Variants in CNTN1 observed in about 807,000 individuals in gnomAD.
CNTN1 encodes the protein contactin 1.
In CNTN1, 38 loss-of-function variants were observed where a neutral mutation model predicts 126.4. The observed-to-expected ratio is 0.30, with a 90% CI of 0.23 to 0.39. The LOEUF is 0.39. CNTN1 is among the 10% of genes least tolerant of loss of function. The pLI, the probability that CNTN1 is intolerant of heterozygous loss-of-function variation, is 1.00. For missense variants in CNTN1, 1,009 were observed against 1,248.4 expected (o/e 0.81, Z 2.89); for synonymous variants, 413 against 422.6 (o/e 0.98, Z 0.28).
At chr12:40,909,633 T>C (rs1237734849) in intron 2 of CNTN1, among the ~76,000 whole-genome samples, 2 of 151,814 alleles carry the variant, frequency 1.3e-5, no homozygotes, top group African/African-American at 2.4e-5. Context: ...TCAGAAAAGA[T>C]CATTTCATTA....
At chr12:40,769,675 T>G (rs1939258486) in intron 1 of CNTN1, among the ~76,000 whole-genome samples, 2 of 152,196 alleles carry the variant, frequency 1.3e-5, no homozygotes, top group African/African-American at 2.4e-5. Flanking sequence ...GCATCAATTT[T>G]GCTGCTTTAG....
chr12:40,725,978 G>A (rs1380289339), intron 1 of CNTN1, among the ~76,000 whole-genome samples: 3 of 151,624 alleles, frequency 2.0e-5, no homozygotes, highest in African/African-American at 7.3e-5. Flanking sequence ...TGTTTCATGA[G>A]TTCAAGGAAG....
intron 7 of CNTN1, among the ~76,000 whole-genome samples, chr12:40,932,219 G>A (rs1478671690): frequency 4.6e-5 from 7 of 151,958 alleles, no homozygotes; most frequent in African/African-American, 9.7e-5. Flanking sequence ...GGTGGGGCCA[G>A]GTGGAGATAA....
At chr12:40,727,361 C>G (rs1239602108) in intron 1 of CNTN1, among the ~76,000 whole-genome samples, 1 of 150,902 alleles carries the variant, frequency 6.6e-6, no homozygotes, top group Non-Finnish European at 1.5e-5. Context: ...AGCAGAAATA[C>G]TCAACAGAAT....
At chr12:40,731,666 G>T (rs1193055972) in intron 1 of CNTN1, among the ~76,000 whole-genome samples, 1 of 151,756 alleles carries the variant, frequency 6.6e-6, no homozygotes, top group Non-Finnish European at 1.5e-5. Context: ...AGAAAGTATT[G>T]ATAATAATTT....
intron 12 of CNTN1, among the ~76,000 whole-genome samples, chr12:40,940,240 C>A (rs548848266): frequency 1.6e-4 from 25 of 151,932 alleles, no homozygotes; most frequent in African/African-American, 5.3e-4. Context: ...TACAAAGGCC[C>A]TATGGTGAGG....
intron 1 of CNTN1, among the ~76,000 whole-genome samples, chr12:40,797,017 C>T (rs1940463783): frequency 6.6e-6 from 1 of 152,094 alleles, no homozygotes; most frequent in African/African-American, 2.4e-5. Flanking sequence ...TCAACCCTCT[C>T]ACAGTTGTCA....
At chr12:40,700,479 T>C (rs1386448226) in intron 1 of CNTN1, among the ~76,000 whole-genome samples, 3 of 152,126 alleles carry the variant, frequency 2.0e-5, no homozygotes, top group East Asian at 1.9e-4. Flanking sequence ...GGAGCTGAGA[T>C]CATGCCATTG....
At chr12:41,001,925 G>C (rs1948369285) in intron 17 of CNTN1, among the ~76,000 whole-genome samples, 1 of 152,084 alleles carries the variant, frequency 6.6e-6, no homozygotes. Flanking sequence ...TCAAAAATCA[G>C]ATAGCTGTAA....
At chr12:40,722,050 C>T (rs1197593848) in intron 1 of CNTN1, among the ~76,000 whole-genome samples, 1 of 152,060 alleles carries the variant, frequency 6.6e-6, no homozygotes, top group Non-Finnish European at 1.5e-5. Context: ...GATTTATAGT[C>T]CTTTGGTTTG....
intron 23 of CNTN1, among the ~76,000 whole-genome samples, chr12:41,064,250 G>A (rs569907123): frequency 6.6e-6 from 1 of 151,930 alleles, no homozygotes; most frequent in Non-Finnish European, 1.5e-5. Flanking sequence ...GAAGATGCAG[G>A]CATTCAATTA....
At chr12:40,956,471 C>G (rs750922185) in intron 14 of CNTN1, among the ~76,000 whole-genome samples, 2 of 151,912 alleles carry the variant, frequency 1.3e-5, no homozygotes, top group Non-Finnish European at 2.9e-5. Context: ...GAAAGACTTG[C>G]TGGAGAAAAT....
chr12:40,925,480 A>G (rs2136886784), intron 6 of CNTN1, among the ~76,000 whole-genome samples: 1 of 150,890 alleles, frequency 6.6e-6, no homozygotes, highest in Non-Finnish European at 1.5e-5. Context: ...ATGTACATAT[A>G]CACACACATA....
chr12:41,012,267 G>T (rs956685177), intron 17 of CNTN1, among the ~76,000 whole-genome samples: 1 of 152,168 alleles, frequency 6.6e-6, no homozygotes, highest in Admixed American at 6.5e-5. Context: ...CTCACTGGGG[G>T]TACCCTCTGT....
intron 1 of CNTN1, among the ~76,000 whole-genome samples, chr12:40,841,319 T>C (rs34031277): frequency 0.055 from 8,287 of 151,948 alleles, 254 homozygotes; most frequent in Middle Eastern, 0.11. Flanking sequence ...AAACCCTGTA[T>C]CAGATGGAAT....
intron 1 of CNTN1, among the ~76,000 whole-genome samples, chr12:40,829,996 A>C (rs1161528579): frequency 6.6e-6 from 1 of 152,152 alleles, no homozygotes; most frequent in African/African-American, 2.4e-5. Context: ...TAGGAGAATA[A>C]AAGCTCCCGT....
chr12:40,767,844 G>A lies in CNTN1; in HGVS notation c.-77+75252G>A, dbSNP rs559647358. ...ATATTTTAGTAAGTAAAAATAAAGT[G>A]TTTTCCTTAAACAATTGACTTTTCT... On this transcript the variant is annotated intron_variant, in intron 1 of 23. Coordinates refer to ENST00000551295, the MANE Select transcript of CNTN1 (RefSeq NM_001843.4). 4.6e-5 allele frequency among the ~76,000 whole-genome samples: 7 copies of A among 152,158 alleles called. No individual in the cohort carries two copies. In the East Asian group the frequency reaches 9.7e-4, roughly 21 times the overall value.
intron 1 of CNTN1, among the ~76,000 whole-genome samples, chr12:40,801,181 G>T (rs979411047): frequency 6.6e-6 from 1 of 151,896 alleles, no homozygotes; most frequent in African/African-American, 2.4e-5. Context: ...CTCAGTTCTA[G>T]ATGGTCAACT....
chr12:40,912,831 A>G (rs901064416), intron 3 of CNTN1, among the ~76,000 whole-genome samples: 2 of 152,320 alleles, frequency 1.3e-5, no homozygotes, highest in South Asian at 2.1e-4. Context: ...ACCTGTCTCT[A>G]TTTTGATCTA....
Sources: allele counts gnomAD v4.1 joint callset (sites outside exome capture counted in the v4.1 genomes callset), GRCh38; gene constraint gnomAD v4.1.1; transcripts MANE v1.5; gene names NCBI Gene and HGNC (gene_info 2026-07-23, HGNC 2026-07-21).